The following ADD1 variants were observed in gnomAD, a reference collection of about 807,000 sequenced individuals.
The protein encoded by ADD1 is adducin 1.
In ADD1, 24 loss-of-function variants were observed where a neutral mutation model predicts 80.5. The ratio of observed to expected loss-of-function variants is 0.30; its 90% confidence interval spans 0.22 to 0.42. The LOEUF is 0.42. Ranked by LOEUF, ADD1 falls within the 10% of genes least tolerant of loss-of-function variation. The probability of loss-of-function intolerance (pLI) is 1.00; values close to 1 mark genes in which losing one functional copy is unlikely to be tolerated. For missense variants in ADD1, 948 were observed against 1,019.0 expected, an observed-to-expected ratio of 0.93 and a Z score of 0.95; for synonymous variants, 373 against 393.8, an observed-to-expected ratio of 0.95 and a Z score of 0.63.
At chr4:2,927,424 C>T (rs1485859490) in intron 15 of ADD1, among the ~76,000 whole-genome samples, 1 of 152,222 alleles carries the variant, frequency 6.6e-6, no homozygotes, top group Non-Finnish European at 1.5e-5. Context: ...TGATGTGTGG[C>T]TTGATTTTTA....
At chr4:2,925,464 T>G (rs1044356507) in intron 14 of ADD1, among the ~76,000 whole-genome samples, 5 of 152,248 alleles carry the variant, frequency 3.3e-5, no homozygotes, top group Non-Finnish European at 7.3e-5. Context: ...CTTTTCTATA[T>G]CCAGGATCCT....
chr4:2,861,825 G>A (rs1173159266), intron 1 of ADD1, among the ~76,000 whole-genome samples: 1 of 152,190 alleles, frequency 6.6e-6, no homozygotes, highest in Non-Finnish European at 1.5e-5. Context: ...CTGGATCAGT[G>A]TGATCCTTTA....
chr4:2,928,370 G>A lies in ADD1; in HGVS notation c.2247G>A (p.Pro749=), dbSNP rs766815556. 46 of 1,613,312 alleles carry A rather than the reference G, an allele frequency of 2.9e-5. No homozygotes were observed. The East Asian group carries it at 3.1e-4, about 11-fold the overall frequency. The change falls in exon 16 of 16, where the codon CCG becomes CCA. Residue 749 remains proline, a synonymous_variant. Transcript: ENST00000683351. ...ASPEPAPDPA[P]VAEEAAPSAV... is the part of the protein sequence containing the mutation. The stretch of plus-strand genomic sequence containing the variant: ...CCGAGCCAGCCCCAGACCCAGCCCC[G>A]GTGGCTGAAGAGGCTGCCCCCTCAG...
At chr4:2,897,626 T>C (rs897780203) in intron 6 of ADD1, among the ~76,000 whole-genome samples, 1 of 144,940 alleles carries the variant, frequency 6.9e-6, no homozygotes, top group East Asian at 2.1e-4. Context: ...TCAGGATTCC[T>C]CCTGCCTCAG....
At chr4:2,915,163 C>T (rs780648914) in intron 14 of ADD1, 123 bp downstream of exon 14, 16 of 1,125,162 alleles carry the variant, frequency 1.4e-5, no homozygotes, top group Non-Finnish European at 1.9e-5. Context: ...AAAGACAAAC[C>T]AGAACTTTAT....
chr4:2,855,746 G>A (rs1283961115), intron 1 of ADD1, among the ~76,000 whole-genome samples: 1 of 151,664 alleles, frequency 6.6e-6, no homozygotes, highest in Non-Finnish European at 1.5e-5. Context: ...TGTTGCCCAG[G>A]CTGGAGTGCA....
chr4:2,862,522 C>T (rs1272436115), intron 1 of ADD1, among the ~76,000 whole-genome samples: 1 of 152,202 alleles, frequency 6.6e-6, no homozygotes, highest in East Asian at 1.9e-4. Context: ...CAGTTCTTAC[C>T]TGGAGTTTTG....
chr4:2,908,693 T>C, intron 12 of ADD1, 89 bp downstream of exon 12: 5 of 1,130,604 alleles, frequency 4.4e-6, no homozygotes, highest in Non-Finnish European at 6.6e-6. Flanking sequence ...AGAGTGACTT[T>C]ATGAGGTAAG....
chr4:2,926,386 C>T lies in ADD1; in HGVS notation c.2047+274C>T, dbSNP rs1285781210. 6 of 702,564 alleles carry T rather than the reference C, an allele frequency of 8.5e-6. No homozygotes were observed. Among genetic ancestry groups the T allele is most frequent in the Non-Finnish European group, 1.6e-5 (6 of 386,856 alleles). The allele number at this position is 702,564 out of a possible 1,614,324, so 43.5% of individuals were successfully genotyped here. On this transcript the variant is annotated intron_variant, in intron 15 of 15. Transcript: ENST00000683351. The surrounding 1 kb of genome is among the most constrained non-coding windows in gnomAD (Gnocchi z 5.0). ...GTGTCCACGTTGCCCATTGCTCGCA[C>T]ACTCCTCGTGCCGTGTTGTCATGCA...
chr4:2,864,660 C>G (rs1056339326), intron 1 of ADD1, among the ~76,000 whole-genome samples: 1 of 152,020 alleles, frequency 6.6e-6, no homozygotes, highest in Non-Finnish European at 1.5e-5. Flanking sequence ...CTTATAATCA[C>G]TCTTAGGTGT....
At chr4:2,908,442 C>A (rs1737430247) in intron 11 of ADD1, 73 bp from the exon 12 acceptor site, 2 of 1,377,394 alleles carry the variant, frequency 1.5e-6, no homozygotes, top group African/African-American at 1.4e-5. Flanking sequence ...GGCCCAAGTG[C>A]ACAAGCAGCA....
At chr4:2,902,099 CT>C (rs749055932) in intron 9 of ADD1, 2 of 152,070 alleles carry the variant, frequency 1.3e-5, no homozygotes, top group Non-Finnish European at 2.9e-5. Flanking sequence ...GTTCTGAGGT[CT>C]GAGTATTACT....
At position 2,894,008 on chromosome 4, in the gene ADD1, C is replaced by A. The variant is rs1734742636; in HGVS notation, c.511-5C>A. 6.2e-7 allele frequency: 1 copy of A among 1,613,434 alleles called. No homozygotes were observed. The highest frequency in any genetic ancestry group is 1.1e-5 in the South Asian group (1 of 91,068). Reference sequence around the variant, plus strand: ...TTTGAGCTAATTCAGTCATTTTCCCCACAGACCAGAGTGAACTCCGAGCAG... The same window carrying A: ...TTTGAGCTAATTCAGTCATTTTCCCAACAGACCAGAGTGAACTCCGAGCAG... On this transcript the variant is annotated splice_region_variant and splice_polypyrimidine_tract_variant and intron_variant, in intron 4 of 15. Coordinates refer to ENST00000683351, the MANE Select transcript of ADD1 (RefSeq NM_001354761.2).
At chr4:2,883,449 C>A (rs1732717515) in intron 3 of ADD1, among the ~76,000 whole-genome samples, 1 of 151,786 alleles carries the variant, frequency 6.6e-6, no homozygotes, top group South Asian at 2.1e-4. Context: ...TGAAATGCTT[C>A]TTTTCTTTCT....
intron 10 of ADD1, chr4:2,907,085 T>G (rs1737183876): frequency 6.6e-6 from 1 of 152,194 alleles, no homozygotes; most frequent in African/African-American, 2.4e-5. Context: ...TAAGGACTCA[T>G]GAAGCGCTTC....
At chr4:2,876,831 T>G (rs924492195) in intron 2 of ADD1, among the ~76,000 whole-genome samples, 1 of 135,136 alleles carries the variant, frequency 7.4e-6, no homozygotes, top group Non-Finnish European at 1.6e-5. Flanking sequence ...ATAGAGAGAC[T>G]CCGTCCCAAA....
intron 10 of ADD1, 49 bp from the exon 11 acceptor site, chr4:2,907,694 A>T: frequency 1.4e-6 from 2 of 1,454,690 alleles, no homozygotes; most frequent in East Asian, 2.3e-5. Flanking sequence ...ATGCTATGTC[A>T]CTTATTGTTG....
intron 1 of ADD1, among the ~76,000 whole-genome samples, chr4:2,846,968 T>A (rs1224400929): frequency 6.6e-6 from 1 of 151,348 alleles, no homozygotes; most frequent in African/African-American, 2.4e-5. Flanking sequence ...ACGCAAAAAA[T>A]TAGCTGGGCG....
At chr4:2,904,645 C>A in intron 9 of ADD1, 119 bp from the exon 10 acceptor site, 1 of 868,784 alleles carries the variant, frequency 1.2e-6, no homozygotes, top group Non-Finnish European at 1.8e-6. Flanking sequence ...AGTGGAATTA[C>A]TGAGTCATAG....
Sources: gnomAD v4.1 joint callset for allele counts (sites outside exome capture counted in the v4.1 genomes callset) on GRCh38, gnomAD v4.1.1 for gene constraint, Gnocchi (gnomAD v3.1) non-coding constraint, MANE v1.5 for transcripts, NCBI Gene and HGNC (gene_info 2026-07-23, HGNC 2026-07-21) for gene names.